Variants in DCDC1 observed in about 807,000 individuals in gnomAD.
DCDC1 encodes the protein doublecortin domain-containing protein 1.
DCDC1 carries 200 observed loss-of-function variants against 178.3 expected under a neutral mutation model. That is an observed-to-expected ratio of 1.12 (90% CI 1.00 to 1.26). The LOEUF (loss-of-function observed/expected upper bound fraction) is 1.26. DCDC1 is among the 50% of genes most tolerant of loss of function. The pLI is 0.00. For missense variants in DCDC1, 1,983 were observed against 1,749.2 expected, an observed-to-expected ratio of 1.13 and a Z score of -2.38; for synonymous variants, 690 against 604.8, an observed-to-expected ratio of 1.14 and a Z score of -2.07.
At chr11:30,989,755 C>T (rs1950869484) in intron 20 of DCDC1, among the ~76,000 whole-genome samples, 1 of 152,102 alleles carries the variant, frequency 6.6e-6, no homozygotes, top group Non-Finnish European at 1.5e-5. Flanking sequence ...CAAGATATTT[C>T]TCATACCTTT....
In DCDC1 at chr11:31,028,473, T is replaced by C. The variant is rs555671973; in HGVS notation, c.2591+35996A>G. 5.3e-5 allele frequency among the ~76,000 whole-genome samples: 8 copies of C among 152,106 alleles called. No individual in the cohort carries two copies. The South Asian group carries it at 8.3e-4, about 16-fold the overall frequency. On this transcript the variant is annotated intron_variant, in intron 20 of 38. Coordinates refer to ENST00000684477, the MANE Select transcript of DCDC1 (RefSeq NM_001387274.1). Reference sequence around the variant, plus strand: ...TTACTGATGCCCTGTCCATCTTTTTTACTGCAATTTCACATTTGAATATAG... The same window carrying C: ...TTACTGATGCCCTGTCCATCTTTTTCACTGCAATTTCACATTTGAATATAG...
At chr11:31,078,737 T>C (rs1335606181) in intron 17 of DCDC1, among the ~76,000 whole-genome samples, 3 of 152,326 alleles carry the variant, frequency 2.0e-5, no homozygotes, top group Admixed American at 2.0e-4. Context: ...TTCATAGGCA[T>C]GTTGAAATGG....
At chr11:31,344,689 T>C (rs942844860) in intron 1 of DCDC1, among the ~76,000 whole-genome samples, 2 of 152,224 alleles carry the variant, frequency 1.3e-5, no homozygotes, top group African/African-American at 4.8e-5. Context: ...TAACAGTTCA[T>C]GTAGATTTTC....
At chr11:31,029,667 TCAC>T (rs1442219584) in intron 20 of DCDC1, among the ~76,000 whole-genome samples, 1 of 152,160 alleles carries the variant, frequency 6.6e-6, no homozygotes, top group African/African-American at 2.4e-5. Flanking sequence ...TGTTCTGTAT[TCAC>T]ATCAAATCAA....
rs1285087976 is a variant in DCDC1 at position 30,920,913 on chromosome 11, AC to A, written c.3155del (p.Ser1052MetfsTer15). 2 of 1,611,960 alleles carry A rather than the reference AC, an allele frequency of 1.2e-6. No individual in the cohort carries two copies. Among genetic ancestry groups the A allele is most frequent in the Non-Finnish European group, 1.7e-6 (2 of 1,178,928 alleles). On this transcript the variant is annotated frameshift_variant, in exon 25 of 39. Coordinates refer to ENST00000684477, the MANE Select transcript of DCDC1 (RefSeq NM_001387274.1). LOFTEE classifies it high-confidence loss of function. Reference protein sequence around the residue: ...KIEALVLEVQSDIVSGSKLAV... With the variant: ...KIEALVLEVQXDIVSGSKLAV... ...CAAGCTTGCTTCCAGATACAATGTC[AC>A]TTTGGACTTCTAAAACAAGAGCTGA... is the stretch of plus-strand genomic sequence containing the variant.
chr11:31,279,443 G>A lies in DCDC1; in HGVS notation c.960+11204C>T, dbSNP rs139550849. On this transcript the variant is annotated intron_variant, in intron 7 of 38. Coordinates refer to ENST00000684477, the MANE Select transcript of DCDC1 (RefSeq NM_001387274.1). Reference sequence around the variant, plus strand: ...TGAAGTTTATAAGACACATGCACACGTATGTTTATTGTGGCACTGTTCACA... The same window carrying A: ...TGAAGTTTATAAGACACATGCACACATATGTTTATTGTGGCACTGTTCACA... 2.2e-3 allele frequency among the ~76,000 whole-genome samples: 340 copies of A among 152,232 alleles called. 2 individuals carry two copies. Among genetic ancestry groups the A allele is most frequent in the African/African-American group, 7.4e-3 (306 of 41,524 alleles).
chr11:31,031,079 T>C (rs1953594423), intron 20 of DCDC1, among the ~76,000 whole-genome samples: 1 of 152,180 alleles, frequency 6.6e-6, no homozygotes, highest in Non-Finnish European at 1.5e-5. Context: ...TTCAGATTCA[T>C]TTATCATTTA....
At chr11:30,921,008 A>C in intron 24 of DCDC1, 73 bp from the exon 25 acceptor site, 1 of 1,452,674 alleles carries the variant, frequency 6.9e-7, no homozygotes, top group Middle Eastern at 2.4e-4. Flanking sequence ...AAAAACACAC[A>C]CTAAAATACA....
At chr11:30,868,831 C>G (rs1470539658) in intron 38 of DCDC1, among the ~76,000 whole-genome samples, 1 of 152,210 alleles carries the variant, frequency 6.6e-6, no homozygotes, top group Non-Finnish European at 1.5e-5. Flanking sequence ...CACCCCAGGC[C>G]AAAGTCACAG....
intron 20 of DCDC1, among the ~76,000 whole-genome samples, chr11:31,056,399 AAGAC>A (rs1319965873): frequency 6.6e-6 from 1 of 152,102 alleles, no homozygotes; most frequent in African/African-American, 2.4e-5. Context: ...TTTCAATTAA[AAGAC>A]AGAGATTGTA....
At chr11:30,879,705 G>A (rs532200603) in intron 37 of DCDC1, among the ~76,000 whole-genome samples, 1 of 152,268 alleles carries the variant, frequency 6.6e-6, no homozygotes, top group African/African-American at 2.4e-5. Flanking sequence ...ATGGTAGAAA[G>A]AGCAATATTT....
intron 7 of DCDC1, among the ~76,000 whole-genome samples, chr11:31,266,316 A>T (rs1314972114): frequency 6.6e-6 from 1 of 152,166 alleles, no homozygotes; most frequent in East Asian, 1.9e-4. Context: ...CTTTGAAACC[A>T]ATGTGGCAAT....
intron 9 of DCDC1, among the ~76,000 whole-genome samples, chr11:31,237,278 T>A (rs1472399709): frequency 1.3e-5 from 2 of 151,898 alleles, no homozygotes; most frequent in African/African-American, 4.8e-5. Flanking sequence ...CATTTCAATT[T>A]TAAACTGCAA....
intron 32 of DCDC1, among the ~76,000 whole-genome samples, chr11:30,902,277 C>T (rs550311785): frequency 6.6e-6 from 1 of 151,784 alleles, no homozygotes; most frequent in East Asian, 1.9e-4. Flanking sequence ...CTCCTTTGCC[C>T]TTTCTGTTTT....
intron 9 of DCDC1, among the ~76,000 whole-genome samples, chr11:31,173,768 A>ACACC (rs1189235082): frequency 2.2e-5 from 3 of 136,636 alleles, no homozygotes; most frequent in Non-Finnish European, 5.0e-5. Context: ...AAACACACAC[A>ACACC]CACCCCCACA....
At chr11:30,987,112 G>T (rs1950698305) in intron 20 of DCDC1, among the ~76,000 whole-genome samples, 1 of 152,098 alleles carries the variant, frequency 6.6e-6, no homozygotes, top group Non-Finnish European at 1.5e-5. Context: ...CACCTCCTGG[G>T]TTCAGGCGAT....
chr11:31,257,813 C>G (rs1944517550), intron 8 of DCDC1, among the ~76,000 whole-genome samples: 1 of 151,854 alleles, frequency 6.6e-6, no homozygotes, highest in African/African-American at 2.4e-5. Context: ...TAAAGAAGTT[C>G]TTATAAAAGG....
At chr11:30,983,625 TAAC>T (rs765582585) in intron 20 of DCDC1, among the ~76,000 whole-genome samples, 8 of 152,336 alleles carry the variant, frequency 5.3e-5, no homozygotes, top group African/African-American at 1.2e-4. Context: ...GAAATCAAGT[TAAC>T]AATGCAATTT....
chr11:31,265,678 A>G (rs1036506259), intron 7 of DCDC1, 78 bp from the exon 8 acceptor site: 4 of 518,788 alleles, frequency 7.7e-6, no homozygotes, highest in African/African-American at 2.0e-5. Flanking sequence ...TTTCTATACT[A>G]CACAGCTATT....
Sources: allele counts gnomAD v4.1 joint callset (sites outside exome capture counted in the v4.1 genomes callset), GRCh38; gene constraint gnomAD v4.1.1; transcripts MANE v1.5; gene names NCBI Gene and HGNC (gene_info 2026-07-23, HGNC 2026-07-21).